The following CSMD2 variants were observed in gnomAD, a reference collection of about 807,000 sequenced individuals.
CSMD2 encodes CUB and Sushi multiple domains 2.
Under a neutral mutation model 398.5 loss-of-function variants are expected in CSMD2, and 130 were observed. The observed-to-expected ratio is 0.33, with a 90% CI of 0.28 to 0.38. The LOEUF is 0.38. Among genes scored for constraint, CSMD2 ranks in the 10% least tolerant of loss-of-function variants. The pLI is 1.00. For synonymous variants in CSMD2, 1,828 were observed against 1,908.5 expected, an observed-to-expected ratio of 0.96 and a Z score of 1.10; for missense variants, 3,829 against 4,764.9, an observed-to-expected ratio of 0.80 and a Z score of 5.78.
chr1:33,669,909 T>A (rs1644436334), intron 25 of CSMD2, among the ~76,000 whole-genome samples: 1 of 152,218 alleles, frequency 6.6e-6, no homozygotes, highest in South Asian at 2.1e-4. Flanking sequence ...GAAGGGTTCC[T>A]GGCAACCACC....
At position 33,611,183 on chromosome 1, in the gene CSMD2, G is replaced by A; in HGVS notation, c.6201C>T (p.Gly2067=). The A allele has an allele frequency of 6.2e-7, 1 of 1,614,130 alleles. No homozygotes were observed. Among genetic ancestry groups the A allele is most frequent in the Non-Finnish European group, 8.5e-7 (1 of 1,180,028 alleles). ...PNHDYIEIRN[G]PYETSRMMGR... ...CCATCATGCGGCTGGTCTCATAGGG[G>A]CCATTCCGGATTTCTATGTAGTCGT... is the stretch of plus-strand genomic sequence containing the variant. The change falls in exon 41 of 71, where the codon GGC becomes GGT. Residue 2067 remains glycine (G), a synonymous_variant. Transcript: ENST00000373381.
chr1:33,938,733 T>C (rs78557304), intron 3 of CSMD2, among the ~76,000 whole-genome samples: 9 of 110,200 alleles, frequency 8.2e-5, no homozygotes, highest in African/African-American at 2.1e-4. Flanking sequence ...TGGCATTTCC[T>C]ATGATCCCAC....
At chr1:33,568,682 C>T (rs989688362) in intron 52 of CSMD2, among the ~76,000 whole-genome samples, 6 of 152,144 alleles carry the variant, frequency 3.9e-5, no homozygotes, top group Admixed American at 3.3e-4. Flanking sequence ...GAATATATTC[C>T]TGGCATTTCT....
intron 13 of CSMD2, among the ~76,000 whole-genome samples, chr1:33,746,641 T>C (rs1647426298): frequency 6.6e-6 from 1 of 152,200 alleles, no homozygotes; most frequent in African/African-American, 2.4e-5. Context: ...TGATGGTCAG[T>C]CCTTCCCTCT....
intron 5 of CSMD2, among the ~76,000 whole-genome samples, chr1:33,910,254 T>C (rs1643374509): frequency 6.6e-6 from 1 of 152,222 alleles, no homozygotes. Flanking sequence ...TTGCTCCTGG[T>C]CCATGCTCCT....
chr1:33,742,585 C>CCA, intron 14 of CSMD2, among the ~76,000 whole-genome samples: 1 of 140,822 alleles, frequency 7.1e-6, no homozygotes, highest in Non-Finnish European at 1.5e-5. Context: ...CTGCCCCCCC[C>CCA]CCCCCAACCC....
intron 1 of CSMD2, among the ~76,000 whole-genome samples, chr1:34,143,793 T>C (rs705210): frequency 0.84 from 128,359 of 152,158 alleles, 56,452 homozygotes; most frequent in East Asian, 0.96. Context: ...TTGCCTTGGG[T>C]CTATTATTCA....
At chr1:33,997,127 GGCACCAAAGGGGC>G (rs1426230443) in intron 3 of CSMD2, among the ~76,000 whole-genome samples, 1 of 152,318 alleles carries the variant, frequency 6.6e-6, no homozygotes, top group East Asian at 1.9e-4. Context: ...CTCAGACCTA[GGCACCAAAGGGGC>G]TATGAAGAAA....
chr1:33,807,020 G>A (rs1227973337), intron 10 of CSMD2, among the ~76,000 whole-genome samples: 1 of 152,094 alleles, frequency 6.6e-6, no homozygotes, highest in Non-Finnish European at 1.5e-5. Flanking sequence ...TAAACAGGAT[G>A]AATACAAAAA....
At chr1:34,068,995 T>G (rs1481327237) in intron 2 of CSMD2, among the ~76,000 whole-genome samples, 1 of 152,226 alleles carries the variant, frequency 6.6e-6, no homozygotes, top group Admixed American at 6.5e-5. Flanking sequence ...GTCTTAGGTA[T>G]GTCTTTATCA....
At chr1:33,964,866 C>T (rs982148205) in intron 3 of CSMD2, among the ~76,000 whole-genome samples, 2 of 152,246 alleles carry the variant, frequency 1.3e-5, no homozygotes, top group African/African-American at 4.8e-5. Flanking sequence ...ATCACTGGAC[C>T]TCTCTGTGCT....
rs373099754 is a variant in CSMD2 at position 33,636,561 on chromosome 1, A to G, written c.4775-7T>C. On this transcript the variant is annotated splice_polypyrimidine_tract_variant and splice_region_variant and intron_variant, in intron 29 of 70. Coordinates refer to ENST00000373381, the MANE Select transcript of CSMD2 (RefSeq NM_001281956.2). This position sits in a 1 kb window ranked among gnomAD's most constrained non-coding sequence, Gnocchi z 4.8. ...CATGACTCCCGCGGGTTTTCTGGGA[A>G]AAAGAAATACAAACACGTGCACACA... 2.5e-6 allele frequency: 4 copies of G among 1,613,460 alleles called. No individual in the cohort carries two copies. In the East Asian group the frequency reaches 6.7e-5, roughly 27 times the overall value.
rs1165714176 is a variant in CSMD2 at position 34,087,944 on chromosome 1, T to C, written c.404+1033A>G. ...GGAAGATGATTAGCCCAGTCTTTTCTGGGAGAAGCTGCAGAAGGGGTGCAG... is the reference window on the plus strand; with the variant it reads ...GGAAGATGATTAGCCCAGTCTTTTCCGGGAGAAGCTGCAGAAGGGGTGCAG... On this transcript the variant is annotated intron_variant, in intron 2 of 70. Coordinates refer to ENST00000373381, the MANE Select transcript of CSMD2 (RefSeq NM_001281956.2). Among the ~76,000 whole-genome samples the C allele has an allele frequency of 2.6e-5, 4 of 152,198 alleles. No individual in the cohort carries two copies. The East Asian group carries it at 5.8e-4, about 22-fold the overall frequency.
chr1:33,667,337 C>CTT (rs777668194), intron 25 of CSMD2, among the ~76,000 whole-genome samples: 7 of 152,174 alleles, frequency 4.6e-5, no homozygotes, highest in Non-Finnish European at 8.8e-5. Flanking sequence ...GTATAAGGCA[C>CTT]TTTCACATTA....
At chr1:33,748,739 C>T (rs1647751891) in intron 13 of CSMD2, among the ~76,000 whole-genome samples, 1 of 151,894 alleles carries the variant, frequency 6.6e-6, no homozygotes, top group African/African-American at 2.4e-5. Flanking sequence ...ATGAAAGAGA[C>T]AAAATAAAAT....
rs1658156359 is a variant in CSMD2 at position 33,557,670 on chromosome 1, G to C, written c.8743+64C>G. ...CACACACACACACACATGCACAGAG[G>C]GGAGGACTGTTCTTTGACACGGGCC... On this transcript the variant is annotated intron_variant, in intron 55 of 70. Coordinates refer to ENST00000373381, the MANE Select transcript of CSMD2 (RefSeq NM_001281956.2). 24 of 1,335,740 alleles carry C rather than the reference G, an allele frequency of 1.8e-5. No homozygotes were observed. The South Asian group carries it at 3.0e-4, about 17-fold the overall frequency. 82.7% of individuals were successfully genotyped at this position (1,335,740 alleles called of 1,614,324 possible).
intron 2 of CSMD2, among the ~76,000 whole-genome samples, chr1:34,082,278 G>A (rs1280148532): frequency 5.5e-5 from 8 of 145,318 alleles, no homozygotes; most frequent in Admixed American, 2.7e-4. Context: ...GCCTCTGCCC[G>A]GCTGCCCCGT....
intron 49 of CSMD2, among the ~76,000 whole-genome samples, chr1:33,576,569 C>T (rs567370750): frequency 1.1e-4 from 16 of 152,018 alleles, no homozygotes; most frequent in African/African-American, 2.9e-4. Flanking sequence ...CCAGCCTGGG[C>T]GACAGAGGGA....
At position 34,027,327 on chromosome 1, in the gene CSMD2, A is replaced by G. The variant is rs552989658; in HGVS notation, c.517+5267T>C. ...GATGCCAATTATCGCAACAAATGGG[A>G]TGTCATTTTCCACCCATTTTAATCC... On this transcript the variant is annotated intron_variant, in intron 3 of 70. Coordinates refer to ENST00000373381, the MANE Select transcript of CSMD2 (RefSeq NM_001281956.2). 5.9e-5 allele frequency among the ~76,000 whole-genome samples: 9 copies of G among 152,306 alleles called. No homozygotes were observed. The South Asian group carries it at 1.7e-3, about 28-fold the overall frequency.
Sources: gnomAD v4.1 joint callset for allele counts (sites outside exome capture counted in the v4.1 genomes callset) on GRCh38, gnomAD v4.1.1 for gene constraint, Gnocchi (gnomAD v3.1) non-coding constraint, MANE v1.5 for transcripts, NCBI Gene and HGNC (gene_info 2026-07-23, HGNC 2026-07-21) for gene names.